The following HUWE1 variants were observed in gnomAD, a reference collection of about 807,000 sequenced individuals.
HUWE1 encodes the protein HECT, UBA and WWE domain containing E3 ubiquitin protein ligase 1.
Under a neutral mutation model 299.4 loss-of-function variants are expected in HUWE1, and 18 were observed. That is an observed-to-expected ratio of 0.06 (90% CI 0.04 to 0.09). HUWE1 has a LOEUF of 0.09. HUWE1 is among the 10% of genes least tolerant of loss of function. The pLI, the probability that HUWE1 is intolerant of heterozygous loss-of-function variation, is 1.00. For missense variants in HUWE1, 1,832 were observed against 3,462.3 expected, an observed-to-expected ratio of 0.53 and a Z score of 11.82; for synonymous variants, 1,317 against 1,286.1, an observed-to-expected ratio of 1.02 and a Z score of -0.51.
chrX:53,584,442 G>T, intron 40 of HUWE1, 97 bp from the exon 41 acceptor site: 1 of 722,131 alleles, frequency 1.4e-6, no homozygotes. Context: ...TGCTACAACA[G>T]GAAGGAACTC....
chrX:53,625,612 C>T lies in HUWE1; in HGVS notation c.1490-354G>A, dbSNP rs782462147. 1.3e-3 allele frequency: 238 copies of T among 184,331 alleles called. 1 individual carries two copies. Among genetic ancestry groups the T allele is most frequent in the African/African-American group, 6.5e-3 (214 of 32,752 alleles). The allele number at this position is 184,331 out of a possible 1,213,427, so 15.2% of individuals were successfully genotyped here. A position where few individuals can be genotyped will look rare whatever the true frequency, so the allele number is the denominator to read the frequency against. On this transcript the variant is annotated intron_variant, in intron 17 of 83. Transcript: ENST00000262854. ...CAAATTGTTGGAAAAGTATAAAATG[C>T]TATGAAAGACATGTTAATATAAGAA...
At chrX:53,679,965 C>T in intron 3 of HUWE1, 84 bp downstream of exon 3, 1 of 295,025 alleles carries the variant, frequency 3.4e-6, no homozygotes, top group Non-Finnish European at 5.9e-6. Flanking sequence ...AGCTCCATTA[C>T]AGAATGGGAA....
At chrX:53,632,356 A>G in intron 9 of HUWE1, 131 bp downstream of exon 9, 2 of 518,861 alleles carry the variant, frequency 3.9e-6, no homozygotes, top group Non-Finnish European at 3.5e-6. Context: ...GCTGCTAGGT[A>G]TATTTATAGT....
At chrX:53,552,932 G>C in intron 61 of HUWE1, 39 bp from the exon 62 acceptor site, 1 of 1,204,980 alleles carries the variant, frequency 8.3e-7, no homozygotes, top group African/African-American at 1.7e-5. Context: ...GTTTCTATCT[G>C]GAACCGGGGC....
intron 33 of HUWE1, 43 bp downstream of exon 33, chrX:53,592,355 G>T (rs2064209900): frequency 1.0e-6 from 1 of 975,699 alleles, no homozygotes; most frequent in Non-Finnish European, 1.5e-6. Context: ...ACACTCCATT[G>T]GGTGCAAAGT....
At position 53,581,130 on chromosome X, in the gene HUWE1, T is replaced by C. The variant is rs142709026; in HGVS notation, c.5521-104A>G. 1,360 of 704,396 alleles carry C rather than the reference T, an allele frequency of 1.9e-3. 17 individuals are homozygous for C. In the African/African-American group the frequency reaches 0.027, roughly 14 times the overall value. 58.1% of individuals were successfully genotyped at this position (704,396 alleles called of 1,213,427 possible). A position where few individuals can be genotyped will look rare whatever the true frequency, so the allele number is the denominator to read the frequency against. ...TAAAAGCTTTTGATTTTGGGGAGAATGACATTTTATTTTTAAGTCCCGTCC... is the reference window on the plus strand; with the variant it reads ...TAAAAGCTTTTGATTTTGGGGAGAACGACATTTTATTTTTAAGTCCCGTCC... On this transcript the variant is annotated intron_variant, in intron 42 of 83. Coordinates refer to ENST00000262854, the MANE Select transcript of HUWE1 (RefSeq NM_031407.7).
In HUWE1 at chrX:53,675,782, G is replaced by C. The variant is rs992022424; in HGVS notation, c.-25+4267C>G. On this transcript the variant is annotated intron_variant, in intron 3 of 83. Transcript: ENST00000262854. The stretch of plus-strand genomic sequence containing the variant: ...CCTGTTTGCTGACCTGCCATGCATG[G>C]TGCTGCCCAAATGTGTTAACAGTGG... 6.3e-5 allele frequency among the ~76,000 whole-genome samples: 7 copies of C among 111,449 alleles called. No homozygotes were observed. The Admixed American group carries it at 6.7e-4, about 11-fold the overall frequency.
chrX:53,644,093 G>T (rs1557033491), intron 7 of HUWE1, among the ~76,000 whole-genome samples: 1 of 112,487 alleles, frequency 8.9e-6, no homozygotes. Flanking sequence ...CCAAGTGCCA[G>T]TAATAACAGG....
At chrX:53,538,568 A>C in intron 76 of HUWE1, 114 bp from the exon 77 acceptor site, 1 of 605,915 alleles carries the variant, frequency 1.7e-6, no homozygotes, top group Non-Finnish European at 2.7e-6. Flanking sequence ...CAGGGCTCTA[A>C]AAGGACTAGT....
intron 43 of HUWE1, 140 bp from the exon 44 acceptor site, chrX:53,577,207 C>A: frequency 3.9e-6 from 2 of 507,916 alleles, no homozygotes; most frequent in Non-Finnish European, 3.5e-6. Context: ...TTCAAGTACT[C>A]TACTATAAAA....
At chrX:53,582,799 C>T (rs1428327087) in intron 42 of HUWE1, among the ~76,000 whole-genome samples, 1 of 109,290 alleles carries the variant, frequency 9.1e-6, no homozygotes, top group Non-Finnish European at 1.9e-5. Context: ...CTCGCTCTGT[C>T]ACCCAGGCTG....
At chrX:53,637,413 T>C (rs1557027270) in intron 7 of HUWE1, among the ~76,000 whole-genome samples, 1 of 112,774 alleles carries the variant, frequency 8.9e-6, no homozygotes, top group Non-Finnish European at 1.9e-5. Flanking sequence ...GATGAGGGTA[T>C]AAAGGCTTGA....
intron 37 of HUWE1, among the ~76,000 whole-genome samples, chrX:53,587,877 T>A (rs971282550): frequency 3.6e-5 from 4 of 111,760 alleles, no homozygotes. Context: ...CCCAAACCAC[T>A]CTCTTGCCTC....
chrX:53,557,566 A>C (rs2062079976), intron 59 of HUWE1, 139 bp from the exon 60 acceptor site: 2 of 528,760 alleles, frequency 3.8e-6, no homozygotes, highest in Middle Eastern at 3.6e-4. Context: ...ATGTGACCAA[A>C]GGAAGGTGAT....
chrX:53,548,412 T>A (rs2061636034), intron 67 of HUWE1, 139 bp from the exon 68 acceptor site: 1 of 725,666 alleles, frequency 1.4e-6, no homozygotes, highest in South Asian at 2.4e-5. Context: ...ATATAAGAGT[T>A]TTATCCAACA....
chrX:53,639,319 C>T (rs2067419019), intron 7 of HUWE1, among the ~76,000 whole-genome samples: 1 of 111,920 alleles, frequency 8.9e-6, no homozygotes, highest in South Asian at 3.7e-4. Flanking sequence ...ATCTCCATAT[C>T]ATCTCTTATA....
intron 45 of HUWE1, 68 bp from the exon 46 acceptor site, chrX:53,575,289 C>G (rs1556957497): frequency 9.7e-6 from 8 of 828,987 alleles, no homozygotes; most frequent in Non-Finnish European, 1.4e-5. Context: ...TGGCAGAACT[C>G]CTTCCCAGGG....
chrX:53,583,792 G>A lies in HUWE1; in HGVS notation c.5286C>T (p.Cys1762=), dbSNP rs782727155. 3 of 1,208,402 alleles carry A rather than the reference G, an allele frequency of 2.5e-6. No homozygotes were observed. The highest frequency in any genetic ancestry group is 1.8e-5 in the South Asian group (1 of 56,489). ...EDMVTVLIRA[C]VSMLGVPVDP... is the part of the protein sequence containing the mutation. ...CCACAGGGACTCCCAGCATGCTCAC[G>A]CAGGCCCGGATTAAAACAGTCACCA... Residue 1762 remains cysteine (C), a synonymous_variant, in exon 42 of 84, where the codon TGC becomes TGT. Transcript: ENST00000262854.
intron 21 of HUWE1, among the ~76,000 whole-genome samples, chrX:53,616,271 A>C (rs1415823472): frequency 9.2e-6 from 1 of 108,414 alleles, no homozygotes; most frequent in Non-Finnish European, 1.9e-5. Flanking sequence ...CAACTTCTTT[A>C]ATGAATTTAC....
Sources: gnomAD v4.1 joint callset for allele counts (sites outside exome capture counted in the v4.1 genomes callset) on GRCh38, gnomAD v4.1.1 for gene constraint, MANE v1.5 for transcripts, NCBI Gene and HGNC (gene_info 2026-07-23, HGNC 2026-07-21) for gene names.